Variants in GNAI1 observed in about 807,000 individuals in gnomAD.
The protein encoded by GNAI1 is G protein subunit alpha i1.
In GNAI1, 11 loss-of-function variants were observed where a neutral mutation model predicts 38.9. That is an observed-to-expected ratio of 0.28 (90% CI 0.18 to 0.47). The LOEUF is 0.47. Ranked by LOEUF, GNAI1 falls within the 20% of genes least tolerant of loss-of-function variation. GNAI1 has a pLI of 0.99. For synonymous variants in GNAI1, 166 were observed against 145.1 expected, an observed-to-expected ratio of 1.14 and a Z score of -1.04; for missense variants, 317 against 436.9, an observed-to-expected ratio of 0.73 and a Z score of 2.45.
intron 1 of GNAI1, among the ~76,000 whole-genome samples, chr7:80,162,149 G>A (rs1787934822): frequency 6.6e-6 from 1 of 152,050 alleles, no homozygotes; most frequent in East Asian, 1.9e-4. Context: ...ATCATGTCTG[G>A]ATTCAGCAAG....
intron 1 of GNAI1, among the ~76,000 whole-genome samples, chr7:80,167,990 T>C (rs1788039962): frequency 6.6e-6 from 1 of 152,210 alleles, no homozygotes; most frequent in Non-Finnish European, 1.5e-5. Context: ...ACTCTGTTGA[T>C]GGGATTCTTC....
chr7:80,194,229 C>T (rs181410075), intron 3 of GNAI1, among the ~76,000 whole-genome samples: 104 of 152,180 alleles, frequency 6.8e-4, no homozygotes, highest in Admixed American at 1.5e-3. Flanking sequence ...TTGAATTTTC[C>T]ATTTTTAATG....
At chr7:80,147,280 T>C (rs925978793) in intron 1 of GNAI1, among the ~76,000 whole-genome samples, 7 of 151,610 alleles carry the variant, frequency 4.6e-5, no homozygotes, top group African/African-American at 1.7e-4. Flanking sequence ...TAACCCCCAA[T>C]GTGATAGGGT....
intron 1 of GNAI1, among the ~76,000 whole-genome samples, chr7:80,181,140 G>A (rs1331874393): frequency 6.6e-6 from 1 of 151,682 alleles, no homozygotes; most frequent in African/African-American, 2.4e-5. Context: ...ATCTTATATT[G>A]TAAAATTTTT....
rs1444707308 is a variant in GNAI1, at chr7:80,222,400, T to G, written c.*4907T>G. Among the ~76,000 whole-genome samples the G allele has an allele frequency of 2.0e-5, 3 of 151,178 alleles. No homozygotes were observed. On this transcript the variant is annotated 3_prime_UTR_variant, in exon 8 of 8. Transcript: ENST00000649796. ...AAATTTAATTTTTTTTTTTTTTTTT[T>G]TCCTGAGACAGAGTTTCGTTCTTGT... is the stretch of plus-strand genomic sequence containing the variant.
chr7:80,144,088 C>T (rs949256775), intron 1 of GNAI1, among the ~76,000 whole-genome samples: 3 of 152,102 alleles, frequency 2.0e-5, no homozygotes, highest in African/African-American at 7.2e-5. Flanking sequence ...TGGGGCTAGA[C>T]CAGGTAAATA....
chr7:80,214,567 CTT>C (rs1360397920), intron 7 of GNAI1, among the ~76,000 whole-genome samples: 1 of 152,136 alleles, frequency 6.6e-6, no homozygotes, highest in Non-Finnish European at 1.5e-5. Flanking sequence ...ACTTCAGAAT[CTT>C]TGCACAAAAA....
At chr7:80,178,679 A>G (rs1409645748) in intron 1 of GNAI1, among the ~76,000 whole-genome samples, 12 of 152,188 alleles carry the variant, frequency 7.9e-5, no homozygotes, top group South Asian at 4.1e-4. Context: ...AATATAGACT[A>G]TGGTAGAGTG....
At chr7:80,217,244 T>TGTCATATGTATGAAACTGA in intron 7 of GNAI1, 59 bp from the exon 8 acceptor site, 1 of 1,093,800 alleles carries the variant, frequency 9.1e-7, no homozygotes, top group Non-Finnish European at 1.3e-6. Context: ...CTGAATTCAG[T>TGTCATATGTATGAAACTGA]ATTTTAAGCA....
chr7:80,171,434 T>G (rs1788096655), intron 1 of GNAI1, among the ~76,000 whole-genome samples: 1 of 152,198 alleles, frequency 6.6e-6, no homozygotes, highest in South Asian at 2.1e-4. Context: ...AAGAAAAATA[T>G]TGAAGGCTTG....
intron 1 of GNAI1, among the ~76,000 whole-genome samples, chr7:80,137,900 A>T (rs1432717958): frequency 6.6e-6 from 1 of 152,174 alleles, no homozygotes; most frequent in Non-Finnish European, 1.5e-5. Flanking sequence ...CAATTCTTGG[A>T]ATGTTCGAAA....
chr7:80,216,599 C>T (rs947667324), intron 7 of GNAI1, among the ~76,000 whole-genome samples: 3 of 152,138 alleles, frequency 2.0e-5, no homozygotes, highest in African/African-American at 4.8e-5. Context: ...CTTTCATTCT[C>T]ACTTCTTCTG....
intron 1 of GNAI1, among the ~76,000 whole-genome samples, chr7:80,180,736 T>C (rs1411086822): frequency 1.3e-5 from 2 of 152,152 alleles, no homozygotes; most frequent in East Asian, 1.9e-4. Flanking sequence ...TAGAGTGATA[T>C]ATTTCCTGCT....
chr7:80,148,084 G>A (rs1399222640), intron 1 of GNAI1, among the ~76,000 whole-genome samples: 1 of 152,048 alleles, frequency 6.6e-6, no homozygotes, highest in Non-Finnish European at 1.5e-5. Context: ...TCTCTCATTT[G>A]TCTTGATAGG....
At chr7:80,214,762 T>C (rs1309989279) in intron 7 of GNAI1, among the ~76,000 whole-genome samples, 1 of 152,180 alleles carries the variant, frequency 6.6e-6, no homozygotes, top group East Asian at 1.9e-4. Context: ...GTCTGTCTGC[T>C]CCTGTGTTAC....
At chr7:80,136,666 T>C (rs1787422373) in intron 1 of GNAI1, among the ~76,000 whole-genome samples, 1 of 152,228 alleles carries the variant, frequency 6.6e-6, no homozygotes, top group South Asian at 2.1e-4. Flanking sequence ...TGTATGTACT[T>C]CTCTTGTGAA....
chr7:80,167,823 A>G (rs567712771), intron 1 of GNAI1, among the ~76,000 whole-genome samples: 13 of 152,366 alleles, frequency 8.5e-5, no homozygotes, highest in Middle Eastern at 3.4e-3. Context: ...CAGTAGTTGC[A>G]TTGCTGGAAA....
intron 1 of GNAI1, among the ~76,000 whole-genome samples, chr7:80,147,393 A>G (rs1205350863): frequency 6.7e-6 from 1 of 150,074 alleles, no homozygotes; most frequent in Admixed American, 6.6e-5. Flanking sequence ...AAAAAAAGAC[A>G]CAGGAGCTCT....
rs1339714767 is a variant in GNAI1 at position 80,221,114 on chromosome 7, A to T, written c.*3621A>T. Among the ~76,000 whole-genome samples, 1 of 152,112 alleles carries T rather than the reference A, an allele frequency of 6.6e-6. No homozygotes were observed. The highest frequency in any genetic ancestry group is 1.5e-5 in the Non-Finnish European group (1 of 68,022). ...ATCATTGCTTAGTGTGTTATGTTGG[A>T]AGTAGAAAGTGATGGTGAAAATCCT... On this transcript the variant is annotated 3_prime_UTR_variant, in exon 8 of 8. Transcript: ENST00000649796.
Sources: gnomAD v4.1 joint callset for allele counts (sites outside exome capture counted in the v4.1 genomes callset) on GRCh38, gnomAD v4.1.1 for gene constraint, MANE v1.5 for transcripts, NCBI Gene and HGNC (gene_info 2026-07-23, HGNC 2026-07-21) for gene names.